ATOSA: variants seen among roughly 807,000 people sequenced by gnomAD.
The protein encoded by ATOSA is atos homolog A, also known as atos homolog protein A.
the ATOSA span, among the ~76,000 whole-genome samples, chr15:52,615,314 C>T: frequency 6.6e-6 from 1 of 152,164 alleles, no homozygotes; most frequent in Non-Finnish European, 1.5e-5. Context: ...AAACTGTTAA[C>T]TTGCTATACA....
the ATOSA span, among the ~76,000 whole-genome samples, chr15:52,671,075 G>A: frequency 6.6e-6 from 1 of 152,066 alleles, no homozygotes; most frequent in African/African-American, 2.4e-5. Context: ...TCAGCACAGG[G>A]GGTGGACATC....
the ATOSA span, among the ~76,000 whole-genome samples, chr15:52,695,377 C>A: frequency 6.6e-6 from 1 of 152,194 alleles, no homozygotes; most frequent in African/African-American, 2.4e-5. Flanking sequence ...TGCAGGCTAC[C>A]CAGCTGTCTA....
chr15:52,608,359 T>C, the ATOSA span, among the ~76,000 whole-genome samples: 1 of 152,240 alleles, frequency 6.6e-6, no homozygotes, highest in Non-Finnish European at 1.5e-5. Flanking sequence ...GCATGATCTT[T>C]ATTTCCTCCA....
chr15:52,686,523 C>T, the ATOSA span, among the ~76,000 whole-genome samples: 3 of 152,180 alleles, frequency 2.0e-5, no homozygotes, highest in Non-Finnish European at 4.4e-5. Flanking sequence ...CCCCTTTTCA[C>T]AAATGGGAAA....
At chr15:52,661,868 A>T in the ATOSA span, among the ~76,000 whole-genome samples, 3 of 147,700 alleles carry the variant, frequency 2.0e-5, no homozygotes, top group Non-Finnish European at 4.4e-5. Context: ...AGAAGGACAC[A>T]CATGCTTAGA....
At chr15:52,639,355 T>C in the ATOSA span, among the ~76,000 whole-genome samples, 2 of 152,234 alleles carry the variant, frequency 1.3e-5, no homozygotes, top group Non-Finnish European at 2.9e-5. Flanking sequence ...AATAACCTTG[T>C]TTCTCATATA....
At chr15:52,590,587 A>G in the ATOSA span, 15 of 152,368 alleles carry the variant, frequency 9.8e-5, no homozygotes, top group African/African-American at 3.1e-4. Context: ...CAAGGTTATT[A>G]TAAGAGTAAC....
the ATOSA span, among the ~76,000 whole-genome samples, chr15:52,607,889 CTGTTTT>C: frequency 6.6e-6 from 1 of 151,894 alleles, no homozygotes. Context: ...TTTTCTGTTT[CTGTTTT>C]TTTGAAACAG....
the ATOSA span, among the ~76,000 whole-genome samples, chr15:52,632,513 A>C: frequency 1.3e-5 from 2 of 152,176 alleles, no homozygotes; most frequent in Admixed American, 6.5e-5. Flanking sequence ...ATACTGAGTA[A>C]CTCTGGGAAA....
At chr15:52,631,606 C>T in the ATOSA span, among the ~76,000 whole-genome samples, 1 of 152,148 alleles carries the variant, frequency 6.6e-6, no homozygotes, top group Non-Finnish European at 1.5e-5. Context: ...TATATAATTT[C>T]TAGAATGCAT....
At chr15:52,652,146 C>G in the ATOSA span, 1 of 1,140,296 alleles carries the variant, frequency 8.8e-7, no homozygotes, top group Non-Finnish European at 1.1e-6. Flanking sequence ...AGGTCCACTA[C>G]AGCTTCCTGT....
the ATOSA span, among the ~76,000 whole-genome samples, chr15:52,666,349 C>T: frequency 3.3e-5 from 5 of 152,146 alleles, no homozygotes; most frequent in African/African-American, 9.7e-5. Context: ...CACACAGTAC[C>T]CTGCTGACTT....
chr15:52,601,272 TACA>T, the ATOSA span: 2 of 664,782 alleles, frequency 3.0e-6, no homozygotes, highest in African/African-American at 1.8e-5. Context: ...TTTGAAATAT[TACA>T]ACTTCTCCTA....
At chr15:52,709,265 T>C in the ATOSA span, among the ~76,000 whole-genome samples, 57 of 152,178 alleles carry the variant, frequency 3.7e-4, no homozygotes. Flanking sequence ...AGAGCCTCTT[T>C]CCTAATGTTT....
the ATOSA span, among the ~76,000 whole-genome samples, chr15:52,641,941 C>T: frequency 6.6e-6 from 1 of 152,208 alleles, no homozygotes; most frequent in Non-Finnish European, 1.5e-5. Flanking sequence ...TGGTCATTAT[C>T]ATTAACTTCA....
At chr15:52,666,419 G>C in the ATOSA span, among the ~76,000 whole-genome samples, 2 of 152,092 alleles carry the variant, frequency 1.3e-5, no homozygotes, top group Non-Finnish European at 2.9e-5. Flanking sequence ...TAAATGCTTA[G>C]AGAATGAACA....
the ATOSA span, chr15:52,652,075 A>T: frequency 4.1e-6 from 6 of 1,446,086 alleles, 1 homozygote; most frequent in African/African-American, 8.6e-5. Flanking sequence ...GTAAGAGCGC[A>T]CATAGCAACA....
At chr15:52,601,079 T>C in the ATOSA span, 25 of 1,505,072 alleles carry the variant, frequency 1.7e-5, no homozygotes, top group Non-Finnish European at 2.2e-5. Context: ...AATTTTGAGA[T>C]AAATACCTTC....
At chr15:52,709,104 A>G in the ATOSA span, among the ~76,000 whole-genome samples, 1 of 152,192 alleles carries the variant, frequency 6.6e-6, no homozygotes, top group Non-Finnish European at 1.5e-5. Flanking sequence ...ACAAAAAAGA[A>G]AGATGAACCT....
Sources: allele counts gnomAD v4.1 joint callset (sites outside exome capture counted in the v4.1 genomes callset), GRCh38; gene constraint gnomAD v4.1.1; transcripts MANE v1.5; gene names NCBI Gene and HGNC (gene_info 2026-07-23, HGNC 2026-07-21).